EPHA5: variants seen among roughly 807,000 people sequenced by gnomAD.
EPHA5 encodes the protein EPH receptor A5.
Under a neutral mutation model 105.0 loss-of-function variants are expected in EPHA5, and 60 were observed. That is an observed-to-expected ratio of 0.57 (90% CI 0.46 to 0.71). The LOEUF is 0.71. Ranked by LOEUF, EPHA5 falls within the 30% of genes least tolerant of loss-of-function variation. EPHA5 has a pLI of 0.00. For synonymous variants in EPHA5, 513 were observed against 449.1 expected (o/e 1.14, Z -1.80); for missense variants, 1,218 against 1,274.7 (o/e 0.96, Z 0.68).
At chr4:65,582,699 G>A (rs953431244) in intron 3 of EPHA5, among the ~76,000 whole-genome samples, 4 of 151,566 alleles carry the variant, frequency 2.6e-5, no homozygotes, top group Non-Finnish European at 4.4e-5. Context: ...CAACTTACTT[G>A]CAGCTGTGTT....
At chr4:65,577,684 A>G (rs746983188) in intron 3 of EPHA5, among the ~76,000 whole-genome samples, 6 of 152,286 alleles carry the variant, frequency 3.9e-5, no homozygotes, top group Non-Finnish European at 5.9e-5. Context: ...CTTACTACTA[A>G]CATTCAATTT....
At chr4:65,535,235 C>G (rs1736180964) in intron 3 of EPHA5, among the ~76,000 whole-genome samples, 1 of 152,138 alleles carries the variant, frequency 6.6e-6, no homozygotes, top group Non-Finnish European at 1.5e-5. Flanking sequence ...AATGAGACCA[C>G]TGTAATCTTG....
At chr4:65,463,406 C>T (rs1728308305) in intron 5 of EPHA5, among the ~76,000 whole-genome samples, 1 of 152,054 alleles carries the variant, frequency 6.6e-6, no homozygotes, top group Non-Finnish European at 1.5e-5. Context: ...TTAAAATGTT[C>T]CAGTCATGTG....
rs183632396 is a variant in EPHA5, at chr4:65,368,265, T to C, written c.1794-841A>G. Among the ~76,000 whole-genome samples the C allele has an allele frequency of 3.7e-3, 558 of 152,246 alleles. 2 individuals are homozygous for C. Among genetic ancestry groups the C allele is most frequent in the Middle Eastern group, 0.01 (3 of 294 alleles). ...CTATTTCTATCCGTTTAATTAATAC[T>C]TCTATCTCACTGGTTTAATTTATTT... On this transcript the variant is annotated intron_variant, in intron 8 of 16. Transcript: ENST00000613740.
intron 3 of EPHA5, among the ~76,000 whole-genome samples, chr4:65,537,561 G>C (rs1027151473): frequency 6.6e-6 from 1 of 151,610 alleles, no homozygotes; most frequent in African/African-American, 2.4e-5. Context: ...TTTTAGTTTA[G>C]AACCATTTCC....
intron 5 of EPHA5, among the ~76,000 whole-genome samples, chr4:65,438,423 CAT>C (rs939395157): frequency 4.0e-5 from 6 of 151,496 alleles, no homozygotes; most frequent in African/African-American, 1.2e-4. Flanking sequence ...TATACACACA[CAT>C]GTATATATGT....
At chr4:65,451,692 A>G (rs1727085138) in intron 5 of EPHA5, among the ~76,000 whole-genome samples, 1 of 152,146 alleles carries the variant, frequency 6.6e-6, no homozygotes, top group Non-Finnish European at 1.5e-5. Flanking sequence ...TCTATATAAT[A>G]GCACTGACAA....
chr4:65,400,803 T>C (rs1721739545), intron 8 of EPHA5, among the ~76,000 whole-genome samples: 1 of 152,144 alleles, frequency 6.6e-6, no homozygotes, highest in African/African-American at 2.4e-5. Context: ...CTTCAAGATA[T>C]ATTTCCTCTT....
In EPHA5 at chr4:65,519,688, A is replaced by G. The variant is rs1429457965; in HGVS notation, c.911-24145T>C. ...AGCAACTTCAGCAAAGTCTCAGGAT[A>G]CAAAATCAATGTGCAAAAATCACAA... On this transcript the variant is annotated intron_variant, in intron 3 of 16. Coordinates refer to ENST00000613740, the MANE Select transcript of EPHA5 (RefSeq NM_001281766.3). Among the ~76,000 whole-genome samples, 4 of 152,312 alleles carry G rather than the reference A, an allele frequency of 2.6e-5. No homozygotes were observed. In the East Asian group the frequency reaches 7.7e-4, roughly 29 times the overall value.
chr4:65,610,162 C>A (rs1433777735), intron 2 of EPHA5, among the ~76,000 whole-genome samples: 1 of 151,960 alleles, frequency 6.6e-6, no homozygotes, highest in Non-Finnish European at 1.5e-5. Context: ...TTGGAATAGT[C>A]TAATAGTCTA....
chr4:65,615,060 C>A (rs564961833), intron 2 of EPHA5, among the ~76,000 whole-genome samples: 2 of 151,490 alleles, frequency 1.3e-5, no homozygotes, highest in African/African-American at 2.4e-5. Flanking sequence ...TGCAATTATG[C>A]TAAATTGTGT....
At chr4:65,505,663 G>T (rs1439850884) in intron 3 of EPHA5, among the ~76,000 whole-genome samples, 1 of 152,004 alleles carries the variant, frequency 6.6e-6, no homozygotes, top group Non-Finnish European at 1.5e-5. Flanking sequence ...TTAGCTCCGT[G>T]CCTTGCAAAT....
chr4:65,478,377 G>A (rs1218128724), intron 5 of EPHA5, among the ~76,000 whole-genome samples: 1 of 152,012 alleles, frequency 6.6e-6, no homozygotes, highest in African/African-American at 2.4e-5. Context: ...AACAAAATTT[G>A]TACATTTTCA....
intron 3 of EPHA5, among the ~76,000 whole-genome samples, chr4:65,528,879 G>A (rs1735494858): frequency 6.6e-6 from 1 of 152,112 alleles, no homozygotes; most frequent in Admixed American, 6.6e-5. Context: ...GGCTGACACA[G>A]CAGAAGGACT....
rs140823399 is a variant in EPHA5, at chr4:65,601,867, T to G, written c.684A>C (p.Val228=). 3 of 1,614,126 alleles carry G rather than the reference T, an allele frequency of 1.9e-6. No homozygotes were observed. Among genetic ancestry groups the G allele is most frequent in the Non-Finnish European group, 2.5e-6 (3 of 1,180,022 alleles). ...GACIALVSVR[V]YYKKCPSVVR... ...CCACAGAAGGGCATTTTTTATAGTA[T>G]ACACGCACAGAAACCAGAGCAATGC... is the stretch of plus-strand genomic sequence containing the variant. Residue 228 remains valine, a synonymous_variant, in exon 3 of 17, where the codon GTA becomes GTC. Coordinates refer to ENST00000613740, the MANE Select transcript of EPHA5 (RefSeq NM_001281766.3).
At chr4:65,368,640 C>T (rs138553512) in intron 8 of EPHA5, among the ~76,000 whole-genome samples, 1 of 152,276 alleles carries the variant, frequency 6.6e-6, no homozygotes, top group East Asian at 1.9e-4. Flanking sequence ...CTTTCCTAAA[C>T]TCTACTAGAC....
chr4:65,408,099 T>C (rs919132497), intron 7 of EPHA5, among the ~76,000 whole-genome samples: 2 of 152,190 alleles, frequency 1.3e-5, no homozygotes, highest in African/African-American at 4.8e-5. Context: ...TTCATCAAGA[T>C]TTTTGAATTG....
At chr4:65,370,229 A>G (rs942187208) in intron 8 of EPHA5, among the ~76,000 whole-genome samples, 1 of 152,174 alleles carries the variant, frequency 6.6e-6, no homozygotes, top group Non-Finnish European at 1.5e-5. Flanking sequence ...AAACAAATAC[A>G]TTAAACCATA....
intron 3 of EPHA5, among the ~76,000 whole-genome samples, chr4:65,589,683 A>G (rs1275747213): frequency 2.0e-5 from 3 of 152,206 alleles, no homozygotes; most frequent in South Asian, 4.1e-4. Flanking sequence ...GAGAATTTAA[A>G]ATAAATAAAT....
Sources: gnomAD v4.1 joint callset for allele counts (sites outside exome capture counted in the v4.1 genomes callset) on GRCh38, gnomAD v4.1.1 for gene constraint, MANE v1.5 for transcripts, NCBI Gene and HGNC (gene_info 2026-07-23, HGNC 2026-07-21) for gene names.